AKNAD1: variants seen among roughly 807,000 people sequenced by gnomAD.
AKNAD1 encodes the protein protein AKNAD1.
Under a neutral mutation model 90.8 loss-of-function variants are expected in AKNAD1, and 67 were observed. The ratio of observed to expected loss-of-function variants is 0.74; its 90% CI spans 0.61 to 0.90. AKNAD1 has a LOEUF of 0.90. Ranked by LOEUF, AKNAD1 falls within the 40% of genes least tolerant of loss-of-function variation. The probability of loss-of-function intolerance (pLI) is 0.00; values close to 1 mark genes in which losing one functional copy is unlikely to be tolerated. For synonymous variants in AKNAD1, 327 were observed against 341.4 expected (o/e 0.96, Z 0.46); for missense variants, 957 against 975.4 (o/e 0.98, Z 0.25).
intron 5 of AKNAD1, among the ~76,000 whole-genome samples, chr1:108,845,433 C>T (rs1243785027): frequency 6.6e-6 from 1 of 152,208 alleles, no homozygotes. Flanking sequence ...GCTAGTCCCA[C>T]AGTGACAGCT....
Position 108,824,434 on chromosome 1 carries a change from C to A in AKNAD1, c.1937-746G>T, listed in dbSNP as rs564404652. Among the ~76,000 whole-genome samples the A allele has an allele frequency of 2.0e-4, 30 of 151,998 alleles. 3 individuals carry two copies. In the South Asian group the frequency reaches 5.7e-3, roughly 29 times the overall value. The stretch of plus-strand genomic sequence containing the variant: ...CTCATTTTTAACATTAAAGTGAAGT[C>A]ATCCCTGGCTGACATCTTGACTTTT... On this transcript the variant is annotated intron_variant, in intron 11 of 15. Coordinates refer to ENST00000370001, the MANE Select transcript of AKNAD1 (RefSeq NM_152763.5).
intron 11 of AKNAD1, among the ~76,000 whole-genome samples, 186 bp downstream of exon 11, chr1:108,827,019 G>C (rs1277225372): frequency 6.6e-6 from 1 of 151,444 alleles, no homozygotes; most frequent in Non-Finnish European, 1.5e-5. Flanking sequence ...TGGAATTACA[G>C]GCATGAGCCC....
intron 11 of AKNAD1, among the ~76,000 whole-genome samples, chr1:108,824,885 G>GTA (rs1427432714): frequency 6.6e-6 from 1 of 151,592 alleles, no homozygotes; most frequent in East Asian, 2.0e-4. Flanking sequence ...CTCTCCTTGA[G>GTA]TATAGGCTGG....
chr1:108,817,382 T>C (rs1429711920), intron 14 of AKNAD1: 2 of 450,694 alleles, frequency 4.4e-6, no homozygotes, highest in Non-Finnish European at 7.7e-6. Context: ...ACCATGCGGG[T>C]GTTTTCTCCC....
At chr1:108,823,767 G>A (rs1003728100) in intron 11 of AKNAD1, 79 bp from the exon 12 acceptor site, 26 of 1,599,702 alleles carry the variant, frequency 1.6e-5, no homozygotes, top group Non-Finnish European at 2.0e-5. Flanking sequence ...GAGCAGAGCT[G>A]TAACTGTGCA....
chr1:108,831,942 C>T (rs1350857698), intron 9 of AKNAD1, among the ~76,000 whole-genome samples: 1 of 151,622 alleles, frequency 6.6e-6, no homozygotes, highest in African/African-American at 2.4e-5. Flanking sequence ...CCCGGCCTTA[C>T]TTGTGACTTT....
chr1:108,849,207 A>G (rs547851830), intron 3 of AKNAD1, 147 bp from the exon 4 acceptor site: 278 of 735,062 alleles, frequency 3.8e-4, no homozygotes, highest in Non-Finnish European at 4.9e-4. Context: ...TAGGCCAGGC[A>G]CAGTGGCTCA....
In AKNAD1 at chr1:108,848,151, AACT is replaced by A. The variant is rs568818080; in HGVS notation, c.1245+598_1245+600del. On this transcript the variant is annotated intron_variant, in intron 5 of 15. Coordinates refer to ENST00000370001, the MANE Select transcript of AKNAD1 (RefSeq NM_152763.5). ...CCCTTGTTGATGAGCCAATGGCCTC[AACT>A]ACATCTTCAATGTCAGGTCAGCATA... Among the ~76,000 whole-genome samples the A allele has an allele frequency of 1.2e-3, 190 of 152,304 alleles. 1 individual carries two copies. The highest frequency in any genetic ancestry group is 4.5e-3 in the African/African-American group (186 of 41,576).
intron 6 of AKNAD1, among the ~76,000 whole-genome samples, chr1:108,838,667 T>C (rs1304599127): frequency 1.3e-5 from 2 of 151,960 alleles, no homozygotes; most frequent in Non-Finnish European, 2.9e-5. Flanking sequence ...TCTTCCAAAA[T>C]ATCTATGAAA....
At chr1:108,827,706 C>A (rs527864260) in intron 10 of AKNAD1, among the ~76,000 whole-genome samples, 1 of 148,310 alleles carries the variant, frequency 6.7e-6, no homozygotes, top group South Asian at 2.2e-4. Flanking sequence ...CCCAGCTACT[C>A]GGGAGGCTGA....
intron 5 of AKNAD1, among the ~76,000 whole-genome samples, chr1:108,844,976 G>T (rs1664661713): frequency 6.6e-6 from 1 of 151,988 alleles, no homozygotes; most frequent in South Asian, 2.1e-4. Context: ...GCACCACCAT[G>T]CCTGGCTAAT....
chr1:108,851,639 A>G, intron 2 of AKNAD1, 33 bp downstream of exon 2: 1 of 1,528,966 alleles, frequency 6.5e-7, no homozygotes, highest in South Asian at 1.3e-5. Flanking sequence ...AGTGGTCCCA[A>G]TTAATGTGTT....
intron 2 of AKNAD1, 120 bp downstream of exon 2, chr1:108,851,552 C>T (rs958739359): frequency 2.0e-5 from 19 of 940,416 alleles, no homozygotes; most frequent in Non-Finnish European, 3.0e-5. Flanking sequence ...CAGGGTGACC[C>T]AGGGTGCTGA....
chr1:108,823,501 C>T (rs201331558), intron 12 of AKNAD1, 24 bp from the exon 13 acceptor site: 1 of 1,611,280 alleles, frequency 6.2e-7, no homozygotes. Context: ...ATTAAAAATA[C>T]AGTTAATTGC....
chr1:108,820,471 A>C, intron 14 of AKNAD1, 74 bp downstream of exon 14: 1 of 948,354 alleles, frequency 1.1e-6, no homozygotes, highest in Non-Finnish European at 1.7e-6. Flanking sequence ...TAGGTAGTTA[A>C]TGCACTATCA....
intron 5 of AKNAD1, among the ~76,000 whole-genome samples, chr1:108,844,378 A>G (rs1005073532): frequency 1.4e-5 from 1 of 71,316 alleles, no homozygotes; most frequent in Admixed American, 1.2e-4. Context: ...CTCTCTCTCC[A>G]TATATATATA....
At chr1:108,818,975 A>AAAAC (rs1379937956) in intron 14 of AKNAD1, among the ~76,000 whole-genome samples, 1 of 151,496 alleles carries the variant, frequency 6.6e-6, no homozygotes, top group African/African-American at 2.4e-5. Context: ...AAAAAAAAAA[A>AAAAC]AAAAAACCAA....
intron 14 of AKNAD1, among the ~76,000 whole-genome samples, chr1:108,818,891 G>A (rs1157390096): frequency 1.3e-5 from 2 of 150,312 alleles, no homozygotes; most frequent in Non-Finnish European, 2.9e-5. Context: ...TGAACCTGGT[G>A]GGGCAGAGGT....
intron 10 of AKNAD1, among the ~76,000 whole-genome samples, chr1:108,828,771 T>C (rs948926687): frequency 6.6e-6 from 1 of 151,808 alleles, no homozygotes. Flanking sequence ...TTTGAACATC[T>C]GCTCTCCAAA....
Sources: allele counts gnomAD v4.1 joint callset (sites outside exome capture counted in the v4.1 genomes callset), GRCh38; gene constraint gnomAD v4.1.1; transcripts MANE v1.5; gene names NCBI Gene and HGNC (gene_info 2026-07-23, HGNC 2026-07-21).